The following LATS1 variants were observed in gnomAD, a reference collection of about 807,000 sequenced individuals.
LATS1 encodes large tumor suppressor kinase 1, also known as serine/threonine-protein kinase LATS1.
Under a neutral mutation model 106.6 loss-of-function variants are expected in LATS1, and 25 were observed. That is an observed-to-expected ratio of 0.23 (90% CI 0.17 to 0.33). The LOEUF (loss-of-function observed/expected upper bound fraction) is 0.33, where lower values mean the gene tolerates loss of function less well. Ranked by LOEUF, LATS1 falls within the 10% of genes least tolerant of loss-of-function variation. The pLI is 1.00. For synonymous variants in LATS1, 465 were observed against 455.6 expected (o/e 1.02, Z -0.26); for missense variants, 1,040 against 1,382.6 (o/e 0.75, Z 3.93).
intron 3 of LATS1, among the ~76,000 whole-genome samples, chr6:149,691,889 A>G (rs1238512708): frequency 6.6e-6 from 1 of 152,132 alleles, no homozygotes; most frequent in Non-Finnish European, 1.5e-5. Flanking sequence ...TATTTTTCTA[A>G]GCCAAAAACC....
At chr6:149,703,026 T>G (rs1281080416) in intron 1 of LATS1, among the ~76,000 whole-genome samples, 1 of 148,874 alleles carries the variant, frequency 6.7e-6, no homozygotes, top group Non-Finnish European at 1.5e-5. Context: ...AGTGCAGGAG[T>G]GTAGTGGTGC....
At chr6:149,663,376 A>G (rs1159559868) in intron 7 of LATS1, among the ~76,000 whole-genome samples, 1 of 152,002 alleles carries the variant, frequency 6.6e-6, no homozygotes, top group African/African-American at 2.4e-5. Flanking sequence ...CAGCTACTTG[A>G]GGTGGGAGGA....
In LATS1 at chr6:149,679,995, T is replaced by A; in HGVS notation, c.2473A>T (p.Ile825Phe). 1 of 1,614,144 alleles carries A rather than the reference T, an allele frequency of 6.2e-7. No individual in the cohort carries two copies. The highest frequency in any genetic ancestry group is 1.1e-5 in the South Asian group (1 of 91,084). ...AVESVHKMGF[I>F]HRDIKPDNIL... ...TTATCAGGTTTAATATCTCTATGAA[T>A]AAAACCCATTTTATGAACACTTTCA... Residue 825 changes from isoleucine (I) to phenylalanine (F), a missense_variant, in exon 5 of 8, where the codon ATT becomes TTT. Around this residue, in one of 7 missense-constraint regions of LATS1, gnomAD observed 167 missense variants for 332.1 expected, o/e 0.50. Transcript: ENST00000543571.
At chr6:149,664,700 T>C (rs1781050765) in intron 7 of LATS1, among the ~76,000 whole-genome samples, 1 of 152,174 alleles carries the variant, frequency 6.6e-6, no homozygotes, top group South Asian at 2.1e-4. Context: ...TGAAGTACCA[T>C]TAAACCTGGT....
At chr6:149,711,026 T>C (rs749241518) in intron 1 of LATS1, among the ~76,000 whole-genome samples, 1 of 152,144 alleles carries the variant, frequency 6.6e-6, no homozygotes, top group Non-Finnish European at 1.5e-5. Flanking sequence ...AGCTAACTAG[T>C]GCTTCTGTGG....
At position 149,659,935 on chromosome 6, in the gene LATS1, G is replaced by A. The variant is rs1391091796; in HGVS notation, c.*1794C>T. 8.7e-6 allele frequency: 2 copies of A among 230,760 alleles called. No individual in the cohort carries two copies. Among genetic ancestry groups the A allele is most frequent in the African/African-American group, 4.4e-5 (2 of 45,220 alleles). 14.3% of individuals were successfully genotyped at this position (230,760 alleles called of 1,614,324 possible). A position where few individuals can be genotyped will look rare whatever the true frequency, so the allele number is the denominator to read the frequency against. On this transcript the variant is annotated 3_prime_UTR_variant, in exon 8 of 8. Coordinates refer to ENST00000543571, the MANE Select transcript of LATS1 (RefSeq NM_004690.4). Reference sequence around the variant, plus strand: ...AACAACTTAATGTACCAGCAAGAGAGGCATTCATAAGGTCACCTTATATCA... The same window carrying A: ...AACAACTTAATGTACCAGCAAGAGAAGCATTCATAAGGTCACCTTATATCA...
intron 5 of LATS1, among the ~76,000 whole-genome samples, chr6:149,678,282 A>T (rs945875986): frequency 6.7e-6 from 1 of 148,542 alleles, no homozygotes; most frequent in African/African-American, 2.5e-5. Flanking sequence ...AGGCAGAGCT[A>T]GCAGTGAGCC....
intron 2 of LATS1, among the ~76,000 whole-genome samples, chr6:149,699,460 A>G (rs1783312083): frequency 6.6e-6 from 1 of 151,988 alleles, no homozygotes; most frequent in Non-Finnish European, 1.5e-5. Flanking sequence ...TTGACATTAA[A>G]GTTTACTTTT....
intron 1 of LATS1, among the ~76,000 whole-genome samples, chr6:149,712,830 C>CA (rs1784181211): frequency 1.3e-5 from 2 of 151,926 alleles, no homozygotes; most frequent in African/African-American, 2.4e-5. Context: ...CCTAACTCTA[C>CA]AAAAAATAGA....
At chr6:149,693,566 C>T (rs1455864722) in intron 3 of LATS1, among the ~76,000 whole-genome samples, 4 of 149,362 alleles carry the variant, frequency 2.7e-5, no homozygotes, top group South Asian at 4.3e-4. Context: ...GCCAAGATTG[C>T]GCCACTGCAC....
chr6:149,682,955 C>A, intron 4 of LATS1, 124 bp downstream of exon 4: 3 of 736,418 alleles, frequency 4.1e-6, no homozygotes, highest in Non-Finnish European at 4.2e-6. Context: ...TTTTAAATTC[C>A]ATAACTGATA....
intron 1 of LATS1, among the ~76,000 whole-genome samples, chr6:149,716,980 T>G (rs1784430846): frequency 6.6e-6 from 1 of 152,152 alleles, no homozygotes; most frequent in African/African-American, 2.4e-5. Flanking sequence ...TTTATTAACC[T>G]TCAATAAATA....
intron 2 of LATS1, among the ~76,000 whole-genome samples, chr6:149,695,984 C>T (rs577894655): frequency 6.6e-6 from 1 of 151,788 alleles, no homozygotes; most frequent in African/African-American, 2.4e-5. Context: ...GGCTCACTAG[C>T]AACTTCTACC....
At chr6:149,717,793 G>T in intron 1 of LATS1, 56 bp downstream of exon 1, 1 of 272,934 alleles carries the variant, frequency 3.7e-6, no homozygotes, top group Non-Finnish European at 7.2e-6. Context: ...GGCGGCCACC[G>T]CCCCGCCAAC....
intron 1 of LATS1, among the ~76,000 whole-genome samples, chr6:149,715,822 C>T (rs1435049060): frequency 1.3e-5 from 2 of 152,166 alleles, no homozygotes; most frequent in Non-Finnish European, 2.9e-5. Context: ...ATCTTTGCTG[C>T]TATGACATGT....
chr6:149,689,645 C>T (rs573645884), intron 3 of LATS1, among the ~76,000 whole-genome samples: 61 of 152,266 alleles, frequency 4.0e-4, no homozygotes, highest in Non-Finnish European at 8.5e-4. Flanking sequence ...TCCACTATTG[C>T]CAGTCCTCAG....
At chr6:149,695,004 G>T in intron 3 of LATS1, 70 bp downstream of exon 3, 1 of 1,257,816 alleles carries the variant, frequency 8.0e-7, no homozygotes, top group Non-Finnish European at 1.1e-6. Context: ...AGGAAGATTT[G>T]ATAGACTTCA....
rs1780785375 is a variant in LATS1, at chr6:149,658,634, A to G, written c.*3095T>C. 6.6e-6 allele frequency: 1 copy of G among 152,204 alleles called. No homozygotes were observed. Among genetic ancestry groups the G allele is most frequent in the Non-Finnish European group, 1.5e-5 (1 of 68,030 alleles). 9.4% of individuals were successfully genotyped at this position (152,204 alleles called of 1,614,324 possible). A position where few individuals can be genotyped will look rare whatever the true frequency, so the allele number is the denominator to read the frequency against. On this transcript the variant is annotated 3_prime_UTR_variant, in exon 8 of 8. Transcript: ENST00000543571. ...TGTATTCTCTAATTTCTAACACATTAAGTCAGAATAAAACAATTCCACTCA... is the reference window on the plus strand; with the variant it reads ...TGTATTCTCTAATTTCTAACACATTGAGTCAGAATAAAACAATTCCACTCA...
intron 7 of LATS1, among the ~76,000 whole-genome samples, chr6:149,667,581 C>A (rs1781225935): frequency 6.6e-6 from 1 of 151,850 alleles, no homozygotes; most frequent in Non-Finnish European, 1.5e-5. Flanking sequence ...CACCAAAAGG[C>A]CTAACATTCC....
Sources: allele counts gnomAD v4.1 joint callset (sites outside exome capture counted in the v4.1 genomes callset), GRCh38; gene constraint gnomAD v4.1.1; regional missense constraint gnomAD v4.1.1; transcripts MANE v1.5; gene names NCBI Gene and HGNC (gene_info 2026-07-23, HGNC 2026-07-21).